NCAM2: variants seen among roughly 807,000 people sequenced by gnomAD.
The protein encoded by NCAM2 is N-CAM-2.
A neutral mutation model predicts 98.1 loss-of-function variants in NCAM2; 30 were observed. That is an observed-to-expected ratio of 0.31 (90% CI 0.23 to 0.41). The LOEUF (loss-of-function observed/expected upper bound fraction) is 0.41, where lower values mean the gene tolerates loss of function less well. NCAM2 is among the 10% of genes least tolerant of loss of function. NCAM2 has a pLI of 1.00. For missense variants in NCAM2, 867 were observed against 1,005.8 expected (o/e 0.86, Z 1.87); for synonymous variants, 368 against 342.4 (o/e 1.07, Z -0.83).
chr21:21,368,140 A>T (rs183438114), intron 8 of NCAM2, among the ~76,000 whole-genome samples: 1 of 152,042 alleles, frequency 6.6e-6, no homozygotes, highest in African/African-American at 2.4e-5. Context: ...TTATACATGT[A>T]TTAAAATATG....
rs1429151971 is a variant in NCAM2 at position 21,541,356 on chromosome 21, T to C, written c.*3399T>C. 6.6e-6 allele frequency: 1 copy of C among 151,632 alleles called. No homozygotes were observed. The highest frequency in any genetic ancestry group is 1.5e-5 in the Non-Finnish European group (1 of 67,712). The allele number at this position is 151,632 out of a possible 1,614,324, so 9.4% of individuals were successfully genotyped here. On this transcript the variant is annotated 3_prime_UTR_variant, in exon 18 of 18. Transcript: ENST00000400546. Reference sequence around the variant, plus strand: ...CAGTAATTAAGTTCAATTCAAACTATTTTACCTTGAATATAAAATCTAAAT... The same window carrying C: ...CAGTAATTAAGTTCAATTCAAACTACTTTACCTTGAATATAAAATCTAAAT...
At chr21:21,290,496 G>A (rs2073252014) in intron 4 of NCAM2, among the ~76,000 whole-genome samples, 1 of 151,724 alleles carries the variant, frequency 6.6e-6, no homozygotes, top group East Asian at 1.9e-4. Context: ...CTTTTGATGA[G>A]GGCATTTCAT....
chr21:21,506,690 A>G (rs1988000159), intron 15 of NCAM2, among the ~76,000 whole-genome samples: 2 of 152,168 alleles, frequency 1.3e-5, no homozygotes, highest in South Asian at 2.1e-4. Flanking sequence ...GTGCAAAGAT[A>G]ATAGTTCTGT....
At chr21:21,034,835 T>G (rs2064765221) in intron 1 of NCAM2, among the ~76,000 whole-genome samples, 1 of 43,450 alleles carries the variant, frequency 2.3e-5, no homozygotes, top group Admixed American at 3.2e-4. Context: ...TTTCATTAAC[T>G]TGGCCTAATT....
At chr21:21,052,250 G>A (rs1268051632) in intron 1 of NCAM2, among the ~76,000 whole-genome samples, 3 of 140,706 alleles carry the variant, frequency 2.1e-5, no homozygotes, top group South Asian at 2.3e-4. Flanking sequence ...TGCAAGCTCC[G>A]CCTCCCGGGT....
chr21:21,095,562 A>G (rs1002390280), intron 1 of NCAM2, among the ~76,000 whole-genome samples: 1 of 151,604 alleles, frequency 6.6e-6, no homozygotes, highest in Non-Finnish European at 1.5e-5. Context: ...AGTATGGAGG[A>G]AAAATAAGTA....
chr21:21,368,534 T>G (rs1218014030), intron 8 of NCAM2, among the ~76,000 whole-genome samples: 1 of 151,894 alleles, frequency 6.6e-6, no homozygotes, highest in Non-Finnish European at 1.5e-5. Flanking sequence ...TTCTAGAGAC[T>G]GGGAAGTCCA....
At chr21:21,322,676 T>C (rs1177475710) in intron 5 of NCAM2, among the ~76,000 whole-genome samples, 1 of 152,174 alleles carries the variant, frequency 6.6e-6, no homozygotes, top group Non-Finnish European at 1.5e-5. Context: ...TGCCGGTTAA[T>C]CTGAACCAAA....
intron 5 of NCAM2, among the ~76,000 whole-genome samples, chr21:21,320,327 TAG>T (rs2074344474): frequency 6.6e-6 from 1 of 152,206 alleles, no homozygotes; most frequent in Admixed American, 6.5e-5. Context: ...ATCAGGAAGA[TAG>T]ACTTTTTTTT....
At chr21:21,246,060 C>T (rs1408396498) in intron 1 of NCAM2, among the ~76,000 whole-genome samples, 6 of 152,142 alleles carry the variant, frequency 3.9e-5, no homozygotes, top group Admixed American at 2.6e-4. Flanking sequence ...AAAATGACAG[C>T]GTACTACTTT....
chr21:21,125,660 ATATATATC>A (rs1569050053), intron 1 of NCAM2, among the ~76,000 whole-genome samples: 1 of 133,302 alleles, frequency 7.5e-6, no homozygotes, highest in African/African-American at 2.7e-5. Flanking sequence ...ATGTAGAGAT[ATATATATC>A]TATATATAGA....
At chr21:21,076,415 C>T (rs568347498) in intron 1 of NCAM2, among the ~76,000 whole-genome samples, 246 of 152,160 alleles carry the variant, frequency 1.6e-3, no homozygotes, top group Non-Finnish European at 2.5e-3. Context: ...AAAATTAGAG[C>T]CATTTAATTT....
At chr21:21,288,440 A>G (rs1036232816) in intron 4 of NCAM2, among the ~76,000 whole-genome samples, 1 of 151,886 alleles carries the variant, frequency 6.6e-6, no homozygotes, top group Non-Finnish European at 1.5e-5. Context: ...ATCTAGAACC[A>G]GAAAATCCAA....
At chr21:21,461,173 T>C (rs1982920523) in intron 12 of NCAM2, among the ~76,000 whole-genome samples, 1 of 151,906 alleles carries the variant, frequency 6.6e-6, no homozygotes, top group South Asian at 2.1e-4. Flanking sequence ...GTCAGTTGAA[T>C]TTTTCTTGCA....
At position 21,541,400 on chromosome 21, in the gene NCAM2, T is replaced by A. The variant is rs980553216; in HGVS notation, c.*3443T>A. The A allele has an allele frequency of 2.0e-5, 3 of 148,738 alleles. No individual in the cohort carries two copies. Among genetic ancestry groups the A allele is most frequent in the African/African-American group, 7.3e-5 (3 of 41,238 alleles). The allele number at this position is 148,738 out of a possible 1,614,324, so 9.2% of individuals were successfully genotyped here. A position where few individuals can be genotyped will look rare whatever the true frequency, so the allele number is the denominator to read the frequency against. ...TCTAAATATAATAAACTATACTGTA[T>A]AATTTACTTTAATTCATGTCAAAAC... On this transcript the variant is annotated 3_prime_UTR_variant, in exon 18 of 18. Coordinates refer to ENST00000400546, the MANE Select transcript of NCAM2 (RefSeq NM_004540.5).
intron 1 of NCAM2, among the ~76,000 whole-genome samples, chr21:21,228,455 G>A (rs1465824955): frequency 6.6e-6 from 1 of 151,224 alleles, no homozygotes; most frequent in Non-Finnish European, 1.5e-5. Flanking sequence ...ACAAAAGTAT[G>A]TTTCTGTTAG....
rs551475282 is a variant in NCAM2 at position 21,186,473 on chromosome 21, A to G, written c.56-94105A>G. Among the ~76,000 whole-genome samples, 4 of 152,266 alleles carry G rather than the reference A, an allele frequency of 2.6e-5. No homozygotes were observed. The East Asian group carries it at 5.8e-4, about 22-fold the overall frequency. On this transcript the variant is annotated intron_variant, in intron 1 of 17. Transcript: ENST00000400546. Reference sequence around the variant, plus strand: ...ATTTTTATAAAATTTTGAAAAATGGATAAGACCATGCTAGCTAACACTGCT... The same window carrying G: ...ATTTTTATAAAATTTTGAAAAATGGGTAAGACCATGCTAGCTAACACTGCT...
At chr21:21,153,853 A>G (rs1177913013) in intron 1 of NCAM2, among the ~76,000 whole-genome samples, 1 of 151,906 alleles carries the variant, frequency 6.6e-6, no homozygotes, top group African/African-American at 2.4e-5. Context: ...TAGAGGAGGT[A>G]GACTTAATTG....
At chr21:21,116,569 A>G (rs906919692) in intron 1 of NCAM2, among the ~76,000 whole-genome samples, 4 of 152,132 alleles carry the variant, frequency 2.6e-5, no homozygotes, top group African/African-American at 7.2e-5. Context: ...ATACTCACCA[A>G]TGTGTCCGGG....
Sources: allele counts gnomAD v4.1 joint callset (sites outside exome capture counted in the v4.1 genomes callset), GRCh38; gene constraint gnomAD v4.1.1; transcripts MANE v1.5; gene names NCBI Gene and HGNC (gene_info 2026-07-23, HGNC 2026-07-21).